The following NRK variants were observed in gnomAD, a reference collection of about 807,000 sequenced individuals.
NRK encodes the protein nik-related protein kinase.
Under a neutral mutation model 125.2 loss-of-function variants are expected in NRK, and 67 were observed. The ratio of observed to expected loss-of-function variants is 0.54; its 90% CI spans 0.44 to 0.66. The LOEUF (loss-of-function observed/expected upper bound fraction) is 0.66. Ranked by LOEUF, NRK falls within the 30% of genes least tolerant of loss-of-function variation. NRK has a pLI of 0.00. For synonymous variants in NRK, 458 were observed against 429.0 expected (o/e 1.07, Z -0.84); for missense variants, 1,224 against 1,192.9 (o/e 1.03, Z -0.38).
intron 2 of NRK, among the ~76,000 whole-genome samples, chrX:105,860,437 C>T (rs1166455885): frequency 9.0e-6 from 1 of 110,749 alleles, no homozygotes; most frequent in Non-Finnish European, 1.9e-5. Flanking sequence ...ATAACCATCA[C>T]CTTTTAAAGT....
intron 2 of NRK, among the ~76,000 whole-genome samples, chrX:105,865,859 C>T (rs185726037): frequency 9.1e-6 from 1 of 110,051 alleles, no homozygotes; most frequent in East Asian, 2.9e-4. Context: ...CCAAGACAGC[C>T]ATTTGTCGGT....
At chrX:105,842,653 T>C (rs1262417444) in intron 2 of NRK, among the ~76,000 whole-genome samples, 3 of 111,734 alleles carry the variant, frequency 2.7e-5, no homozygotes, top group Non-Finnish European at 5.6e-5. Flanking sequence ...CCCTCATTTG[T>C]TCCCTGCCTG....
rs2040925539 is a variant in NRK, at chrX:105,953,229, C to G, written c.4653+56C>G. On this transcript the variant is annotated intron_variant, in intron 28 of 28. Transcript: ENST00000243300. ...AATAACGCAACCATTGAAAATGAACCAACAAAAGAAATTTCTGTCCTTTTC... is the reference window on the plus strand; with the variant it reads ...AATAACGCAACCATTGAAAATGAACGAACAAAAGAAATTTCTGTCCTTTTC... 6 of 914,705 alleles carry G rather than the reference C, an allele frequency of 6.6e-6. No individual in the cohort carries two copies. The South Asian group carries it at 1.4e-4, about 21-fold the overall frequency. The allele number at this position is 914,705 out of a possible 1,213,427, so 75.4% of individuals were successfully genotyped here.
At chrX:105,948,283 G>A (rs2040844455) in intron 26 of NRK, among the ~76,000 whole-genome samples, 1 of 111,357 alleles carries the variant, frequency 9.0e-6, no homozygotes, top group South Asian at 3.8e-4. Flanking sequence ...ATCACTTTCT[G>A]ACCCAATTAG....
chrX:105,856,792 C>T (rs1569293547), intron 2 of NRK, among the ~76,000 whole-genome samples: 2 of 111,626 alleles, frequency 1.8e-5, no homozygotes, highest in Non-Finnish European at 3.8e-5. Flanking sequence ...TTTGACCCAA[C>T]ATGTAGTGAA....
intron 1 of NRK, among the ~76,000 whole-genome samples, chrX:105,826,941 G>A (rs964328331): frequency 1.8e-5 from 2 of 111,565 alleles, no homozygotes; most frequent in Non-Finnish European, 3.8e-5. Flanking sequence ...ATATGGTAGT[G>A]CACAAGAACA....
chrX:105,866,343 T>C lies in NRK; in HGVS notation c.124-13856T>C, dbSNP rs182513650. 1.0e-3 allele frequency among the ~76,000 whole-genome samples: 113 copies of C among 110,904 alleles called. 4 individuals carry two copies. The Admixed American group carries it at 0.011, about 11-fold the overall frequency. On this transcript the variant is annotated intron_variant, in intron 2 of 28. Coordinates refer to ENST00000243300, the MANE Select transcript of NRK (RefSeq NM_198465.4). ...GGCAAAAACCTCCATAAGAATGCAA[T>C]TAGCAAGCTTGGACCCATGGAAATA...
At chrX:105,830,959 C>T in intron 1 of NRK, 95 bp from the exon 2 acceptor site, 1 of 534,547 alleles carries the variant, frequency 1.9e-6, no homozygotes, top group Non-Finnish European at 3.1e-6. Flanking sequence ...GCACATGTAC[C>T]CTAGAACTTA....
chrX:105,902,038 C>T (rs1244376397), intron 9 of NRK, among the ~76,000 whole-genome samples: 1 of 110,530 alleles, frequency 9.0e-6, no homozygotes, highest in East Asian at 2.8e-4. Flanking sequence ...CTGAATGCTC[C>T]TCACCATGCC....
At chrX:105,920,595 G>T (rs1005409109) in intron 16 of NRK, among the ~76,000 whole-genome samples, 1 of 109,670 alleles carries the variant, frequency 9.1e-6, no homozygotes, top group African/African-American at 3.3e-5. Flanking sequence ...AGTTCTCCTT[G>T]AAGAGGTCCT....
intron 2 of NRK, among the ~76,000 whole-genome samples, chrX:105,859,904 G>C (rs918091262): frequency 1.8e-5 from 2 of 111,677 alleles, no homozygotes; most frequent in Non-Finnish European, 3.8e-5. Context: ...AATAAAACCA[G>C]TCAATGGTAA....
In NRK at chrX:105,935,388, A is replaced by G. The variant is rs2040649504; in HGVS notation, c.3655+63A>G. The G allele has an allele frequency of 1.1e-5, 8 of 749,437 alleles. No individual in the cohort carries two copies. The Admixed American group carries it at 2.9e-4, about 27-fold the overall frequency. The allele number at this position is 749,437 out of a possible 1,213,427, so 61.8% of individuals were successfully genotyped here. A position where few individuals can be genotyped will look rare whatever the true frequency, so the allele number is the denominator to read the frequency against. On this transcript the variant is annotated intron_variant, in intron 21 of 28. Transcript: ENST00000243300. ...TGTAGCAAACCTGTGAAAATCATAG[A>G]CATAAAATATTTGCTTACTCTTACC...
chrX:105,864,933 C>A (rs1023311458), intron 2 of NRK, among the ~76,000 whole-genome samples: 4 of 111,250 alleles, frequency 3.6e-5, no homozygotes, highest in Non-Finnish European at 7.5e-5. Flanking sequence ...TACAGCAAAT[C>A]AGCACCTTAG....
chrX:105,894,037 G>A, intron 6 of NRK, 95 bp downstream of exon 6: 1 of 463,372 alleles, frequency 2.2e-6, no homozygotes. Context: ...AGATAGTTTA[G>A]GTATTCCAAA....
chrX:105,825,735 T>C (rs963526288), intron 1 of NRK, among the ~76,000 whole-genome samples: 1 of 111,602 alleles, frequency 9.0e-6, no homozygotes, highest in Non-Finnish European at 1.9e-5. Flanking sequence ...TATAACTTTT[T>C]CACGTAATGC....
intron 2 of NRK, among the ~76,000 whole-genome samples, chrX:105,864,097 A>C (rs1602619424): frequency 8.9e-6 from 1 of 112,555 alleles, no homozygotes; most frequent in African/African-American, 3.2e-5. Flanking sequence ...TTTATTTGGA[A>C]TGTATAATGC....
At chrX:105,920,881 T>C (rs1192467024) in intron 16 of NRK, among the ~76,000 whole-genome samples, 1 of 97,002 alleles carries the variant, frequency 1.0e-5, no homozygotes, top group Non-Finnish European at 2.1e-5. Flanking sequence ...ACACTGTTGG[T>C]GGGACTGTAA....
chrX:105,925,577 CT>C (rs2040513716), intron 19 of NRK, among the ~76,000 whole-genome samples: 1 of 110,786 alleles, frequency 9.0e-6, no homozygotes, highest in Non-Finnish European at 1.9e-5. Flanking sequence ...CATTTGGATC[CT>C]TTAACCAGCC....
chrX:105,832,775 A>C (rs1412467495), intron 2 of NRK, among the ~76,000 whole-genome samples: 1 of 111,048 alleles, frequency 9.0e-6, no homozygotes, highest in Non-Finnish European at 1.9e-5. Context: ...TGTAATCCCA[A>C]TACTTTGAGA....
Sources: allele counts gnomAD v4.1 joint callset (sites outside exome capture counted in the v4.1 genomes callset), GRCh38; gene constraint gnomAD v4.1.1; transcripts MANE v1.5; gene names NCBI Gene and HGNC (gene_info 2026-07-23, HGNC 2026-07-21).